SNX29: variants seen among roughly 807,000 people sequenced by gnomAD.
SNX29 encodes the protein sorting nexin 29.
Under a neutral mutation model 102.1 loss-of-function variants are expected in SNX29, and 78 were observed. The ratio of observed to expected loss-of-function variants is 0.76; its 90% CI spans 0.64 to 0.92. The LOEUF (loss-of-function observed/expected upper bound fraction) is 0.92, where lower values mean the gene tolerates loss of function less well. SNX29 is among the 40% of genes least tolerant of loss of function. SNX29 has a pLI of 0.00. For synonymous variants in SNX29, 580 were observed against 414.5 expected, an observed-to-expected ratio of 1.40 and a Z score of -4.85; for missense variants, 1,280 against 1,061.7, an observed-to-expected ratio of 1.21 and a Z score of -2.86.
At chr16:12,220,125 G>A (rs1346130177) in intron 14 of SNX29, among the ~76,000 whole-genome samples, 6 of 152,148 alleles carry the variant, frequency 3.9e-5, no homozygotes, top group East Asian at 1.9e-4. Context: ...CCACCCTTTC[G>A]CCACCGCGCT....
chr16:12,057,569 C>G (rs536452845), intron 8 of SNX29, among the ~76,000 whole-genome samples: 6 of 152,262 alleles, frequency 3.9e-5, no homozygotes, highest in African/African-American at 1.4e-4. Context: ...AGAGAACATA[C>G]CCTCGATTCA....
At chr16:12,481,681 C>T (rs910567148) in intron 19 of SNX29, among the ~76,000 whole-genome samples, 6 of 151,902 alleles carry the variant, frequency 3.9e-5, no homozygotes, top group South Asian at 2.1e-4. Context: ...ACTATAGGCA[C>T]CCACCACCAC....
At chr16:12,309,868 C>G (rs1183085670) in intron 15 of SNX29, among the ~76,000 whole-genome samples, 1 of 152,160 alleles carries the variant, frequency 6.6e-6, no homozygotes, top group Non-Finnish European at 1.5e-5. Context: ...TACCCTTGGT[C>G]TGAAGTCTGT....
intron 16 of SNX29, among the ~76,000 whole-genome samples, chr16:12,373,355 C>T (rs973955351): frequency 1.3e-5 from 2 of 152,092 alleles, no homozygotes; most frequent in Non-Finnish European, 2.9e-5. Context: ...GTCTCAAACT[C>T]CTGGGCTCAA....
intron 13 of SNX29, among the ~76,000 whole-genome samples, chr16:12,130,177 T>C (rs1013834470): frequency 2.7e-5 from 4 of 147,552 alleles, no homozygotes; most frequent in South Asian, 2.1e-4. Flanking sequence ...CTGGACTTTT[T>C]AGTTAAAAAA....
chr16:12,322,072 A>G (rs1289865402), intron 15 of SNX29, among the ~76,000 whole-genome samples: 1 of 152,076 alleles, frequency 6.6e-6, no homozygotes, highest in African/African-American at 2.4e-5. Context: ...ACACAGTCCT[A>G]CCTGGTTCCC....
intron 15 of SNX29, among the ~76,000 whole-genome samples, chr16:12,331,533 A>G (rs540951862): frequency 6.6e-6 from 1 of 152,260 alleles, no homozygotes; most frequent in African/African-American, 2.4e-5. Context: ...GTGAAATGAG[A>G]ACACAGAAGA....
chr16:11,985,994 G>A (rs2055607602), intron 1 of SNX29, among the ~76,000 whole-genome samples: 1 of 151,826 alleles, frequency 6.6e-6, no homozygotes, highest in African/African-American at 2.4e-5. Context: ...TCGTAGAGAT[G>A]GGGTTTCACC....
intron 20 of SNX29, among the ~76,000 whole-genome samples, chr16:12,531,783 G>T (rs916846151): frequency 3.3e-5 from 5 of 152,224 alleles, no homozygotes; most frequent in Non-Finnish European, 7.3e-5. Flanking sequence ...GCATCCTGAA[G>T]GCAGGCCCAG....
intron 14 of SNX29, among the ~76,000 whole-genome samples, chr16:12,206,433 G>A (rs934114718): frequency 1.2e-4 from 18 of 148,112 alleles, no homozygotes; most frequent in African/African-American, 2.5e-4. Context: ...GCAGATTTCC[G>A]TGGTGTTGTA....
chr16:12,251,037 G>C (rs1000521553), intron 14 of SNX29, among the ~76,000 whole-genome samples: 4 of 152,354 alleles, frequency 2.6e-5, no homozygotes, highest in African/African-American at 9.6e-5. Context: ...TGCCCTCTGG[G>C]CTGCGGGCCA....
At chr16:12,505,097 C>G (rs1411685826) in intron 19 of SNX29, among the ~76,000 whole-genome samples, 2 of 152,196 alleles carry the variant, frequency 1.3e-5, no homozygotes, top group Non-Finnish European at 2.9e-5. Context: ...TAGTGAGACT[C>G]TGTCTCTACA....
chr16:12,212,100 C>T (rs1224028618), intron 14 of SNX29, among the ~76,000 whole-genome samples: 1 of 152,120 alleles, frequency 6.6e-6, no homozygotes, highest in East Asian at 1.9e-4. Context: ...CTCTCCTGGG[C>T]CTCGGTGGTG....
chr16:12,069,423 G>C (rs2051189861), intron 10 of SNX29, among the ~76,000 whole-genome samples: 1 of 151,948 alleles, frequency 6.6e-6, no homozygotes, highest in Admixed American at 6.6e-5. Context: ...ACACCACCAT[G>C]CCTAGCTGAT....
intron 18 of SNX29, among the ~76,000 whole-genome samples, chr16:12,430,565 T>C (rs2085269084): frequency 6.6e-6 from 1 of 152,226 alleles, no homozygotes; most frequent in Non-Finnish European, 1.5e-5. Flanking sequence ...AAAATGAGCA[T>C]AGTGCATCAA....
intron 15 of SNX29, among the ~76,000 whole-genome samples, chr16:12,291,487 C>A (rs111732761): frequency 0.031 from 4,744 of 152,252 alleles, 239 homozygotes; most frequent in African/African-American, 0.11. Context: ...GTGGGAGCTA[C>A]AATTCAAGGT....
intron 18 of SNX29, among the ~76,000 whole-genome samples, chr16:12,474,747 A>AT (rs2087512396): frequency 1.3e-5 from 2 of 152,232 alleles, no homozygotes; most frequent in African/African-American, 2.4e-5. Context: ...AACTCGGGTA[A>AT]TTTTTTTAAA....
intron 9 of SNX29, among the ~76,000 whole-genome samples, chr16:12,063,102 C>T (rs548179521): frequency 6.6e-6 from 1 of 152,296 alleles, no homozygotes; most frequent in East Asian, 1.9e-4. Context: ...CTCTTGAGCA[C>T]AGTCCTGTGA....
chr16:12,498,152 C>T (rs946628230), intron 19 of SNX29, among the ~76,000 whole-genome samples: 1 of 152,140 alleles, frequency 6.6e-6, no homozygotes, highest in Non-Finnish European at 1.5e-5. Context: ...AGACGAATTC[C>T]AGGCAGAGGA....
Sources: gnomAD v4.1 joint callset for allele counts (sites outside exome capture counted in the v4.1 genomes callset) on GRCh38, gnomAD v4.1.1 for gene constraint, MANE v1.5 for transcripts, NCBI Gene and HGNC (gene_info 2026-07-23, HGNC 2026-07-21) for gene names.